The following NONO variants were observed in gnomAD, a reference collection of about 807,000 sequenced individuals.
NONO encodes the protein non-POU domain-containing octamer-binding protein.
A neutral mutation model predicts 40.2 loss-of-function variants in NONO; 6 were observed. That is an observed-to-expected ratio of 0.15 (90% CI 0.08 to 0.29). The LOEUF is 0.29. Among genes scored for constraint, NONO ranks in the 10% least tolerant of loss-of-function variants. The pLI is 1.00. For synonymous variants in NONO, 89 were observed against 123.3 expected (o/e 0.72, Z 1.85); for missense variants, 133 against 397.8 (o/e 0.33, Z 5.66).
intron 2 of NONO, among the ~76,000 whole-genome samples, chrX:71,289,786 T>A (rs1403186831): frequency 9.2e-6 from 1 of 109,153 alleles, no homozygotes; most frequent in Non-Finnish European, 1.9e-5. Context: ...TTGTTTTGTT[T>A]TTTGGAGACG....
intron 9 of NONO, 133 bp from the exon 10 acceptor site, chrX:71,298,336 G>A (rs2031497788): frequency 5.2e-6 from 3 of 581,004 alleles, no homozygotes; most frequent in African/African-American, 2.2e-5. Flanking sequence ...AGCAAGGGTT[G>A]TGCTCCTCAG....
chrX:71,287,485 C>G (rs2031216539), intron 2 of NONO, among the ~76,000 whole-genome samples: 1 of 111,526 alleles, frequency 9.0e-6, no homozygotes, highest in Non-Finnish European at 1.9e-5. Context: ...TCAAGCAATT[C>G]TCCTGCCTCA....
At chrX:71,295,507 ATTAG>A (rs1163953338) in intron 5 of NONO, among the ~76,000 whole-genome samples, 24 of 110,658 alleles carry the variant, frequency 2.2e-4, no homozygotes, top group Non-Finnish European at 4.2e-4. Flanking sequence ...GACTTTTGGT[ATTAG>A]CCTGGGCATG....
At chrX:71,292,998 A>G (rs748716191) in intron 4 of NONO, 1 of 112,469 alleles carries the variant, frequency 8.9e-6, no homozygotes, top group Admixed American at 9.4e-5. Context: ...CATAAAATTT[A>G]CTATCTTAAC....
intron 9 of NONO, 93 bp downstream of exon 9, chrX:71,298,031 C>T (rs912666957): frequency 1.9e-5 from 11 of 575,842 alleles, no homozygotes; most frequent in Middle Eastern, 3.2e-4. Flanking sequence ...CCAATTTTCC[C>T]GTGTTGTGAA....
At chrX:71,291,523 G>A (rs777587116) in intron 3 of NONO, among the ~76,000 whole-genome samples, 3 of 110,938 alleles carry the variant, frequency 2.7e-5, no homozygotes, top group East Asian at 2.8e-4. Context: ...GGCCGGTAAC[G>A]CCTATATTTT....
chrX:71,295,423 C>T (rs1281122010), intron 5 of NONO, among the ~76,000 whole-genome samples: 1 of 96,202 alleles, frequency 1.0e-5, no homozygotes, highest in Admixed American at 1.1e-4. Context: ...GGAGGTGGAG[C>T]TTGCAGTGAG....
At chrX:71,297,519 C>T in intron 8 of NONO, 58 bp downstream of exon 8, 2 of 827,782 alleles carry the variant, frequency 2.4e-6, no homozygotes, top group Non-Finnish European at 1.7e-6. Flanking sequence ...TCTCACTCCT[C>T]TTTCCTACTG....
chrX:71,298,683 G>A, intron 10 of NONO, 24 bp from the exon 11 acceptor site: 1 of 1,163,820 alleles, frequency 8.6e-7, no homozygotes, highest in Non-Finnish European at 1.2e-6. Flanking sequence ...TATCCCTTGT[G>A]CTGATCACAC....
At chrX:71,287,537 C>G (rs1307733338) in intron 2 of NONO, among the ~76,000 whole-genome samples, 1 of 109,585 alleles carries the variant, frequency 9.1e-6, no homozygotes, top group Non-Finnish European at 1.9e-5. Flanking sequence ...GCTACCACAC[C>G]CGGCTAATTT....
Position 71,294,238 on chromosome X carries a change from C to T in NONO, c.360C>T (p.Thr120=). The part of the protein sequence containing the change: ...GFGFIRLETR[T]LAEIAKVELD... ...CCTCTGCTTCCTAGGAAACCCGAACCCTAGCGGAGATTGCCAAAGTGGAGC... is the reference window on the plus strand; with the variant it reads ...CCTCTGCTTCCTAGGAAACCCGAACTCTAGCGGAGATTGCCAAAGTGGAGC... The change falls in exon 5 of 12, where the codon ACC becomes ACT. Residue 120 remains threonine (T), a synonymous_variant. Coordinates refer to ENST00000276079, the MANE Select transcript of NONO (RefSeq NM_007363.5). 1 of 1,211,512 alleles carries T rather than the reference C, an allele frequency of 8.3e-7. No individual in the cohort carries two copies. The highest frequency in any genetic ancestry group is 1.1e-6 in the Non-Finnish European group (1 of 895,168).
intron 11 of NONO, 119 bp from the exon 12 acceptor site, chrX:71,299,823 C>T: frequency 1.1e-6 from 1 of 914,041 alleles, no homozygotes; most frequent in Non-Finnish European, 1.5e-6. Context: ...CCCACTCCTA[C>T]CTACCATCAG....
At chrX:71,287,924 C>T (rs1323811843) in intron 2 of NONO, among the ~76,000 whole-genome samples, 1 of 84,654 alleles carries the variant, frequency 1.2e-5, no homozygotes, top group African/African-American at 4.5e-5. Flanking sequence ...CCAGGCTGGT[C>T]TCAAACTCCT....
intron 2 of NONO, among the ~76,000 whole-genome samples, chrX:71,285,914 T>C (rs1202021334): frequency 9.0e-6 from 1 of 111,705 alleles, no homozygotes; most frequent in Non-Finnish European, 1.9e-5. Flanking sequence ...TTTAATGACA[T>C]GAAAGCTGTT....
At chrX:71,297,296 C>A in intron 7 of NONO, 81 bp from the exon 8 acceptor site, 1 of 950,779 alleles carries the variant, frequency 1.1e-6, no homozygotes, top group Non-Finnish European at 1.5e-6. Flanking sequence ...ATCCTCTTTG[C>A]TTTCTGGATC....
intron 8 of NONO, 61 bp downstream of exon 8, chrX:71,297,522 T>C: frequency 1.2e-6 from 1 of 810,102 alleles, no homozygotes; most frequent in South Asian, 2.4e-5. Context: ...CACTCCTCTT[T>C]CCTACTGCCA....
At chrX:71,284,819 C>T (rs2031153279) in intron 2 of NONO, among the ~76,000 whole-genome samples, 1 of 112,100 alleles carries the variant, frequency 8.9e-6, no homozygotes. Flanking sequence ...GTGTTTGGTC[C>T]TCTACCTAAA....
chrX:71,290,597 AATTT>A (rs1399961932), intron 2 of NONO, 28 bp from the exon 3 acceptor site: 1 of 1,154,077 alleles, frequency 8.7e-7, no homozygotes, highest in Non-Finnish European at 1.2e-6. Flanking sequence ...ATTAGTACTG[AATTT>A]ATTTATTAGT....
intron 2 of NONO, among the ~76,000 whole-genome samples, chrX:71,289,623 A>G (rs756532813): frequency 1.5e-3 from 160 of 109,695 alleles, no homozygotes; most frequent in Non-Finnish European, 2.6e-3. Flanking sequence ...TTTTTTTGAG[A>G]TAGAGTCTTT....
Sources: allele counts gnomAD v4.1 joint callset (sites outside exome capture counted in the v4.1 genomes callset), GRCh38; gene constraint gnomAD v4.1.1; transcripts MANE v1.5; gene names NCBI Gene and HGNC (gene_info 2026-07-23, HGNC 2026-07-21).